MSI2: variants seen among roughly 807,000 people sequenced by gnomAD.
The protein encoded by MSI2 is RNA-binding protein Musashi homolog 2.
Under a neutral mutation model 45.6 loss-of-function variants are expected in MSI2, and 17 were observed. That is an observed-to-expected ratio of 0.37 (90% CI 0.26 to 0.56). The LOEUF (loss-of-function observed/expected upper bound fraction) is 0.56, where lower values mean the gene tolerates loss of function less well. Ranked by LOEUF, MSI2 falls within the 20% of genes least tolerant of loss-of-function variation. The pLI, the probability that MSI2 is intolerant of heterozygous loss-of-function variation, is 0.77. For synonymous variants in MSI2, 156 were observed against 158.2 expected (o/e 0.99, Z 0.11); for missense variants, 293 against 444.2 (o/e 0.66, Z 3.06).
the MSI2 span, among the ~76,000 whole-genome samples, chr17:57,692,941 A>T: frequency 0.31 from 38,620 of 123,578 alleles, 5,554 homozygotes; most frequent in South Asian, 0.48. Flanking sequence ...TGTTTAATTT[A>T]TTCTGCTTGA....
In MSI2 at chr17:57,642,593, G is replaced by A. The variant is rs1910343489; in HGVS notation, c.728-9506G>A. Among the ~76,000 whole-genome samples, 4 of 152,280 alleles carry A rather than the reference G, an allele frequency of 2.6e-5. No homozygotes were observed. In the South Asian group the frequency reaches 8.3e-4, roughly 32 times the overall value. ...GCCAGTTGTCTCTCCTTGGGCAGTT[G>A]ATCTGTGTGCAGCCTGTCCTGGGAC... On this transcript the variant is annotated intron_variant, in intron 10 of 13. Transcript: ENST00000284073.
intron 6 of MSI2, among the ~76,000 whole-genome samples, chr17:57,471,650 G>A (rs751629445): frequency 1.8e-4 from 27 of 152,100 alleles, no homozygotes; most frequent in Non-Finnish European, 3.5e-4. Context: ...TGAAGAAGTC[G>A]AGCCAGAGAG....
chr17:57,342,090 A>G (rs1467361214), intron 5 of MSI2, among the ~76,000 whole-genome samples: 22 of 152,210 alleles, frequency 1.4e-4, no homozygotes, highest in Non-Finnish European at 2.6e-4. Flanking sequence ...ATCCTATTGC[A>G]TCTACTGCCT....
chr17:57,544,975 A>G (rs2144146251), intron 7 of MSI2, among the ~76,000 whole-genome samples: 1 of 152,304 alleles, frequency 6.6e-6, no homozygotes, highest in South Asian at 2.1e-4. Context: ...TTTCACCTTA[A>G]ATCCTTGATA....
intron 6 of MSI2, among the ~76,000 whole-genome samples, chr17:57,405,701 T>C (rs1447558876): frequency 2.6e-5 from 4 of 152,354 alleles, no homozygotes; most frequent in Admixed American, 1.3e-4. Flanking sequence ...AAAACTGTTA[T>C]AGTATTTCCA....
intron 7 of MSI2, among the ~76,000 whole-genome samples, chr17:57,557,712 G>A (rs1321016173): frequency 6.6e-6 from 1 of 152,216 alleles, no homozygotes; most frequent in Non-Finnish European, 1.5e-5. Context: ...GTGGGAATGG[G>A]GAGCAGAGGT....
intron 11 of MSI2, among the ~76,000 whole-genome samples, chr17:57,671,262 G>A (rs901424936): frequency 1.3e-5 from 2 of 152,160 alleles, no homozygotes; most frequent in Non-Finnish European, 2.9e-5. Context: ...ATGCCAAGAC[G>A]TTTGCAAGAC....
intron 5 of MSI2, among the ~76,000 whole-genome samples, chr17:57,397,579 G>C (rs1220223974): frequency 6.6e-6 from 1 of 152,216 alleles, no homozygotes; most frequent in African/African-American, 2.4e-5. Context: ...AGATGGCAAG[G>C]AAACCGAGAG....
intron 11 of MSI2, among the ~76,000 whole-genome samples, chr17:57,658,714 C>G (rs369676040): frequency 4.4e-4 from 67 of 152,320 alleles, no homozygotes; most frequent in African/African-American, 1.3e-3. Context: ...TGTTAATGGT[C>G]TTTCAAATCA....
chr17:57,469,188 C>G (rs934511671), intron 6 of MSI2, among the ~76,000 whole-genome samples: 4 of 152,238 alleles, frequency 2.6e-5, no homozygotes, highest in African/African-American at 9.6e-5. Context: ...AACAGAAGTC[C>G]TCGACTTCTG....
chr17:57,427,853 A>G (rs1284852617), intron 6 of MSI2, among the ~76,000 whole-genome samples: 2 of 152,268 alleles, frequency 1.3e-5, no homozygotes, highest in Non-Finnish European at 2.9e-5. Context: ...AAGAGCACAT[A>G]GTTCCTTATT....
At chr17:57,409,726 G>A (rs1229373630) in intron 6 of MSI2, among the ~76,000 whole-genome samples, 1 of 152,014 alleles carries the variant, frequency 6.6e-6, no homozygotes, top group Admixed American at 6.6e-5. Context: ...AAGAGTGTGG[G>A]GCACAGGCAC....
chr17:57,442,647 T>G (rs545347214), intron 6 of MSI2, among the ~76,000 whole-genome samples: 9 of 152,208 alleles, frequency 5.9e-5, no homozygotes, highest in African/African-American at 2.2e-4. Flanking sequence ...TTGCCCAAGA[T>G]GAGACTGGAT....
intron 6 of MSI2, among the ~76,000 whole-genome samples, chr17:57,462,641 C>G (rs189878247): frequency 2.6e-4 from 40 of 152,330 alleles, no homozygotes; most frequent in Admixed American, 2.0e-3. Flanking sequence ...CAGCACAGAG[C>G]AGGACATTCT....
At chr17:57,523,385 C>A (rs1299812986) in intron 6 of MSI2, among the ~76,000 whole-genome samples, 1 of 152,188 alleles carries the variant, frequency 6.6e-6, no homozygotes, top group Non-Finnish European at 1.5e-5. Context: ...TCAGCCAGCA[C>A]GTGAGCTGGG....
chr17:57,651,533 G>A (rs187519191), intron 10 of MSI2, among the ~76,000 whole-genome samples: 59 of 152,344 alleles, frequency 3.9e-4, no homozygotes, highest in Admixed American at 8.5e-4. Context: ...CTGTGATGCT[G>A]CTGACTTCAT....
At chr17:57,591,729 CAA>C (rs60682470) in intron 7 of MSI2, among the ~76,000 whole-genome samples, 79 of 69,404 alleles carry the variant, frequency 1.1e-3, no homozygotes, top group Admixed American at 1.3e-3. Flanking sequence ...AACCCTGTCT[CAA>C]AAAAAAAAAA....
chr17:57,372,450 T>C (rs1380268368), intron 5 of MSI2, among the ~76,000 whole-genome samples: 1 of 152,200 alleles, frequency 6.6e-6, no homozygotes, highest in Non-Finnish European at 1.5e-5. Context: ...TTTACAAATG[T>C]GGCAAATTTG....
intron 5 of MSI2, among the ~76,000 whole-genome samples, chr17:57,381,967 A>G (rs1444253219): frequency 6.6e-6 from 1 of 152,262 alleles, no homozygotes; most frequent in Non-Finnish European, 1.5e-5. Flanking sequence ...AGATGAAAAG[A>G]CATGGTCTCT....
Sources: gnomAD v4.1 joint callset for allele counts (sites outside exome capture counted in the v4.1 genomes callset) on GRCh38, gnomAD v4.1.1 for gene constraint, MANE v1.5 for transcripts, NCBI Gene and HGNC (gene_info 2026-07-23, HGNC 2026-07-21) for gene names.